The following PALM2AKAP2 variants were observed in gnomAD, a reference collection of about 807,000 sequenced individuals.
PALM2AKAP2 encodes PALM2-AKAP2 fusion protein.
Under a neutral mutation model 71.5 loss-of-function variants are expected in PALM2AKAP2, and 37 were observed. The observed-to-expected ratio is 0.52, with a 90% confidence interval of 0.40 to 0.68. PALM2AKAP2 has a LOEUF of 0.68. Ranked by LOEUF, PALM2AKAP2 falls within the 30% of genes least tolerant of loss-of-function variation. The pLI is 0.00. For missense variants in PALM2AKAP2, 1,224 were observed against 1,191.8 expected (o/e 1.03, Z -0.40); for synonymous variants, 468 against 478.8 (o/e 0.98, Z 0.29).
intron 1 of PALM2AKAP2, among the ~76,000 whole-genome samples, chr9:109,702,485 T>C (rs1423352297): frequency 8.6e-5 from 13 of 150,986 alleles, no homozygotes; most frequent in East Asian, 3.9e-4. Context: ...AGCAAACTAT[T>C]GCAAGGACAA....
rs548895534 is a variant in PALM2AKAP2, at chr9:110,078,531, G to T, written c.156+29676G>T. Reference sequence around the variant, plus strand: ...TCTGAAAGGACATTAAAAGCAGATCGGGAAAAGAGCATTTAGCCCCAAATG... The same window carrying T: ...TCTGAAAGGACATTAAAAGCAGATCTGGAAAAGAGCATTTAGCCCCAAATG... On this transcript the variant is annotated intron_variant, in intron 1 of 3. Coordinates refer to ENST00000374525, the Ensembl canonical transcript of PALM2AKAP2. Among the ~76,000 whole-genome samples the T allele has an allele frequency of 5.9e-5, 9 of 151,992 alleles. No homozygotes were observed. In the East Asian group the frequency reaches 1.7e-3, roughly 29 times the overall value.
At position 110,048,757 on chromosome 9, in the gene PALM2AKAP2, C is replaced by CTGGAGT. The variant is rs1483063811; in HGVS notation, c.58_59insTGGAGT (p.Pro20delinsLeuGluSer). On this transcript the variant is annotated protein_altering_variant, in exon 1 of 4. Transcript: ENST00000374525. ...CCTTCCCCCGGAGTCTCCTGGACCC[C>CTGGAGT]CGGAGTCTCCTGGACCCCCGGAGCG... 8 of 1,538,198 alleles carry CTGGAGT rather than the reference C, an allele frequency of 5.2e-6. No homozygotes were observed. In the South Asian group the frequency reaches 9.5e-5, roughly 18 times the overall value.
chr9:109,646,737 T>TA, intron 1 of PALM2AKAP2, among the ~76,000 whole-genome samples: 1 of 152,212 alleles, frequency 6.6e-6, no homozygotes, highest in Non-Finnish European at 1.5e-5. Context: ...AAATGGTGAT[T>TA]AAAAACATCC....
chr9:110,092,410 G>A (rs10980187), intron 1 of PALM2AKAP2, among the ~76,000 whole-genome samples: 4 of 151,934 alleles, frequency 2.6e-5, no homozygotes, highest in Non-Finnish European at 5.9e-5. Flanking sequence ...TCTGAATATT[G>A]TTTCCTTGTA....
chr9:109,770,753 G>C (rs1187020769), intron 1 of PALM2AKAP2, among the ~76,000 whole-genome samples: 1 of 152,174 alleles, frequency 6.6e-6, no homozygotes, highest in Non-Finnish European at 1.5e-5. Flanking sequence ...CAGGCATGTA[G>C]AAACACATCT....
intron 6 of PALM2AKAP2, among the ~76,000 whole-genome samples, chr9:109,954,271 C>T (rs1399776803): frequency 6.6e-6 from 1 of 152,064 alleles, no homozygotes; most frequent in Non-Finnish European, 1.5e-5. Context: ...GTCATAACAG[C>T]AAAGAGGAAC....
At chr9:109,669,371 T>C (rs1827540306) in intron 1 of PALM2AKAP2, among the ~76,000 whole-genome samples, 2 of 152,182 alleles carry the variant, frequency 1.3e-5, no homozygotes, top group South Asian at 2.1e-4. Context: ...CAGGCTTCTT[T>C]ATCTATGTTC....
chr9:109,809,812 C>T lies in PALM2AKAP2; in HGVS notation c.45+29279C>T, dbSNP rs1020596427. 3.9e-5 allele frequency among the ~76,000 whole-genome samples: 6 copies of T among 152,264 alleles called. No homozygotes were observed. The East Asian group carries it at 5.8e-4, about 15-fold the overall frequency. ...GATGACTGAATCACAGGGGTGGTTA[C>T]CCCATGTTGCTGTTCTCATTATAGT... On this transcript the variant is annotated intron_variant, in intron 1 of 9. Transcript: ENST00000302798.
chr9:109,942,423 A>G (rs1831392822), intron 6 of PALM2AKAP2, among the ~76,000 whole-genome samples: 1 of 152,156 alleles, frequency 6.6e-6, no homozygotes. Flanking sequence ...TTGTGCCCTT[A>G]TTTTAGCAGA....
At chr9:109,880,413 C>G (rs1829818390) in intron 2 of PALM2AKAP2, 138 bp from the exon 3 acceptor site, 1 of 1,255,558 alleles carries the variant, frequency 8.0e-7, no homozygotes. Flanking sequence ...AGTAGGGAGC[C>G]ATGTTAGTGA....
At chr9:109,736,537 C>A (rs946185344) in intron 1 of PALM2AKAP2, among the ~76,000 whole-genome samples, 5 of 152,058 alleles carry the variant, frequency 3.3e-5, no homozygotes, top group Admixed American at 2.0e-4. Flanking sequence ...TGCTTCATGA[C>A]TGAAAATATT....
intron 1 of PALM2AKAP2, among the ~76,000 whole-genome samples, chr9:109,864,305 T>TACTGCTTTCCC (rs1255513601): frequency 6.6e-6 from 1 of 152,252 alleles, no homozygotes; most frequent in Non-Finnish European, 1.5e-5. Context: ...GGCTCAGCCT[T>TACTGCTTTCCC]ACTGCTTTCC....
Position 110,016,056 on chromosome 9 carries a change from A to C in PALM2AKAP2, c.582+17A>C, listed in dbSNP as rs775298947. On this transcript the variant is annotated intron_variant, in intron 7 of 9. Coordinates refer to the PALM2AKAP2 transcript ENST00000302798. ...ACTATCAAGGTAAGGGATTCTCTTC[A>C]GGTTGATTCTCAAAGTGTATCTCTA... 1.2e-6 allele frequency: 2 copies of C among 1,610,228 alleles called. No individual in the cohort carries two copies. Among genetic ancestry groups the C allele is most frequent in the Non-Finnish European group, 1.7e-6 (2 of 1,177,000 alleles).
Position 110,166,783 on chromosome 9 carries a change from T to A in PALM2AKAP2, c.2749-1616T>A, listed in dbSNP as rs138684095. On this transcript the variant is annotated intron_variant, in intron 3 of 3. Transcript: ENST00000374525. ...AAAGGTGCAGAGAAGCAGGTTGAGA[T>A]GGACCCCCGATCTCCCATCTACCCA... Among the ~76,000 whole-genome samples, 298 of 152,266 alleles carry A rather than the reference T, an allele frequency of 2.0e-3. 3 individuals carry two copies. The highest frequency in any genetic ancestry group is 7.1e-3 in the African/African-American group (293 of 41,548).
intron 6 of PALM2AKAP2, among the ~76,000 whole-genome samples, chr9:109,941,133 C>T (rs1831351677): frequency 2.1e-5 from 3 of 143,586 alleles, no homozygotes; most frequent in African/African-American, 2.6e-5. Flanking sequence ...TCTTCTTCTT[C>T]TTCTTCCTCT....
chr9:110,056,968 G>T (rs558384121), intron 1 of PALM2AKAP2, among the ~76,000 whole-genome samples: 1 of 152,166 alleles, frequency 6.6e-6, no homozygotes, highest in African/African-American at 2.4e-5. Context: ...AGAAGAGATC[G>T]TTCCCTTTCC....
chr9:110,160,057 G>A (rs1185934155), intron 3 of PALM2AKAP2, among the ~76,000 whole-genome samples: 1 of 152,172 alleles, frequency 6.6e-6, no homozygotes, highest in East Asian at 1.9e-4. Flanking sequence ...CTGAGGGCAG[G>A]AGGATTACCA....
At chr9:109,767,642 C>T (rs1404530750) in intron 1 of PALM2AKAP2, among the ~76,000 whole-genome samples, 1 of 152,208 alleles carries the variant, frequency 6.6e-6, no homozygotes, top group Non-Finnish European at 1.5e-5. Context: ...CCCCTCCCCT[C>T]GCTCCCTCTG....
intron 1 of PALM2AKAP2, chr9:109,862,884 G>A (rs760216482): frequency 3.9e-6 from 2 of 512,800 alleles, no homozygotes; most frequent in Non-Finnish European, 7.8e-6. Flanking sequence ...AAGAGGACAT[G>A]AACCAGCCGG....
Sources: allele counts gnomAD v4.1 joint callset (sites outside exome capture counted in the v4.1 genomes callset), GRCh38; gene constraint gnomAD v4.1.1; transcripts MANE v1.5; gene names NCBI Gene and HGNC (gene_info 2026-07-23, HGNC 2026-07-21).